NDC1: variants seen among roughly 807,000 people sequenced by gnomAD.
The protein encoded by NDC1 is nucleoporin NDC1.
A neutral mutation model predicts 89.8 loss-of-function variants in NDC1; 24 were observed. The observed-to-expected ratio is 0.27, with a 90% CI of 0.19 to 0.38. NDC1 has a LOEUF of 0.38. Ranked by LOEUF, NDC1 falls within the 10% of genes least tolerant of loss-of-function variation. NDC1 has a pLI of 1.00. For synonymous variants in NDC1, 296 were observed against 284.8 expected, an observed-to-expected ratio of 1.04 and a Z score of -0.39; for missense variants, 728 against 797.6, an observed-to-expected ratio of 0.91 and a Z score of 1.05.
chr1:53,826,674 T>C (rs1396845975), intron 4 of NDC1, among the ~76,000 whole-genome samples: 1 of 152,188 alleles, frequency 6.6e-6, no homozygotes, highest in Non-Finnish European at 1.5e-5. Context: ...TGAGAGTTTC[T>C]TGAGAATCTC....
In NDC1 at chr1:53,783,861, G is replaced by A. The variant is rs1334236457; in HGVS notation, c.1800+3297C>T. On this transcript the variant is annotated intron_variant, in intron 16 of 17. Transcript: ENST00000371429. ...CACGAGCCAAATTAAGTTTCTGTTC[G>A]TTATAAATTACCTAGTCTGTGGTAT... is the stretch of plus-strand genomic sequence containing the variant. 2.0e-5 allele frequency among the ~76,000 whole-genome samples: 3 copies of A among 152,166 alleles called. No homozygotes were observed. In the East Asian group the frequency reaches 5.8e-4, roughly 29 times the overall value.
At chr1:53,788,398 C>A (rs1029519853) in intron 15 of NDC1, among the ~76,000 whole-genome samples, 1 of 151,598 alleles carries the variant, frequency 6.6e-6, no homozygotes. Context: ...GAGTTTGAGA[C>A]CAGCCTAGAT....
chr1:53,781,025 T>A (rs1012457694), intron 16 of NDC1, among the ~76,000 whole-genome samples: 8 of 152,034 alleles, frequency 5.3e-5, no homozygotes, highest in Non-Finnish European at 7.4e-5. Flanking sequence ...GGCAAATTTT[T>A]AAAAATTTTT....
chr1:53,791,437 A>G (rs80306591), intron 14 of NDC1, among the ~76,000 whole-genome samples: 1 of 136,478 alleles, frequency 7.3e-6, no homozygotes, highest in African/African-American at 2.7e-5. Flanking sequence ...CTCCGTCTGA[A>G]AAAAAAAAAA....
rs758874160 is a variant in NDC1, at chr1:53,766,557, T to C, written c.*1413A>G. The C allele has an allele frequency of 2.0e-5, 3 of 152,232 alleles. No homozygotes were observed. Among genetic ancestry groups the C allele is most frequent in the South Asian group, 4.2e-4 (2 of 4,816 alleles). The allele number at this position is 152,232 out of a possible 1,614,324, so 9.4% of individuals were successfully genotyped here. A position where few individuals can be genotyped will look rare whatever the true frequency, so the allele number is the denominator to read the frequency against. On this transcript the variant is annotated 3_prime_UTR_variant, in exon 18 of 18. Coordinates refer to ENST00000371429, the MANE Select transcript of NDC1 (RefSeq NM_018087.5). The stretch of plus-strand genomic sequence containing the variant: ...GTCTACATATCTAAACACTTGACAA[T>C]TGGGGAACTGTCCCACAGTGATATG...
intron 3 of NDC1, among the ~76,000 whole-genome samples, chr1:53,829,157 T>C (rs1160534767): frequency 1.3e-5 from 2 of 152,144 alleles, no homozygotes; most frequent in Non-Finnish European, 2.9e-5. Flanking sequence ...GGTTCCCTGA[T>C]CTATCTATGT....
At chr1:53,832,954 G>A (rs970886449) in intron 2 of NDC1, among the ~76,000 whole-genome samples, 1 of 152,158 alleles carries the variant, frequency 6.6e-6, no homozygotes, top group Non-Finnish European at 1.5e-5. Context: ...TGAGGCTGCA[G>A]TGAGCAGTGA....
At chr1:53,811,626 G>A (rs1301364369) in intron 6 of NDC1, among the ~76,000 whole-genome samples, 3 of 151,998 alleles carry the variant, frequency 2.0e-5, no homozygotes, top group African/African-American at 7.3e-5. Context: ...TGACCCAGGA[G>A]AGTCTGAGCT....
At chr1:53,832,456 A>T in intron 3 of NDC1, 34 bp downstream of exon 3, 1 of 1,094,814 alleles carries the variant, frequency 9.1e-7, no homozygotes, top group East Asian at 2.4e-5. Context: ...ATAAATTCGC[A>T]TATTTCTAAG....
intron 9 of NDC1, among the ~76,000 whole-genome samples, chr1:53,806,209 C>T (rs1437364338): frequency 6.6e-6 from 1 of 152,156 alleles, no homozygotes; most frequent in African/African-American, 2.4e-5. Context: ...AATTAACTAG[C>T]TTATACACAT....
chr1:53,785,165 C>T (rs529172156), intron 16 of NDC1, among the ~76,000 whole-genome samples: 1 of 152,278 alleles, frequency 6.6e-6, no homozygotes, highest in African/African-American at 2.4e-5. Context: ...GCTGACTTCA[C>T]AAGATGGTTA....
intron 17 of NDC1, chr1:53,771,171 CT>C (rs755538304): frequency 2.2e-4 from 38 of 171,702 alleles, no homozygotes; most frequent in Non-Finnish European, 3.7e-4. Flanking sequence ...TGCTTTTGTT[CT>C]ATCATTAATA....
Position 53,837,883 on chromosome 1 carries a change from TTAAG to T in NDC1, c.57+318_57+321del, listed in dbSNP as rs142326081. Among the ~76,000 whole-genome samples the T allele has an allele frequency of 2.6e-5, 4 of 151,754 alleles. No homozygotes were observed. In the East Asian group the frequency reaches 7.7e-4, roughly 29 times the overall value. On this transcript the variant is annotated intron_variant, in intron 1 of 17. Coordinates refer to ENST00000371429, the MANE Select transcript of NDC1 (RefSeq NM_018087.5). ...CCTTCCCACTTCTTAACGAAACAAA[TTAAG>T]TTATTTATTTTGCACCTACTGGATA...
intron 6 of NDC1, among the ~76,000 whole-genome samples, chr1:53,814,877 A>T (rs1335603386): frequency 2.6e-5 from 4 of 152,212 alleles, no homozygotes; most frequent in Admixed American, 2.0e-4. Context: ...AAATTCCTGG[A>T]AAAATACAAC....
intron 6 of NDC1, among the ~76,000 whole-genome samples, chr1:53,815,076 G>C (rs1471763376): frequency 6.6e-6 from 1 of 152,146 alleles, no homozygotes; most frequent in East Asian, 1.9e-4. Flanking sequence ...ACAAGATAAA[G>C]AAGGAACCCT....
chr1:53,787,201 G>C lies in NDC1; in HGVS notation c.1757C>G (p.Thr586Arg). Residue 586 changes from threonine to arginine, a missense_variant, in exon 16 of 18, where the codon ACG (threonine) becomes AGG (arginine). By Grantham distance (71) the Thr-to-Arg change is moderately conservative (BLOSUM62 -1). Transcript: ENST00000371429. ...FTEDRFGVVQ[T>R]TLPAILNTLL... ...AGTATTAAGGATAGCTGGTAGTGTC[G>C]TCTGGACAACTCCAAATCTATCCTC... 1 of 1,610,256 alleles carries C rather than the reference G, an allele frequency of 6.2e-7. No homozygotes were observed. The highest frequency in any genetic ancestry group is 8.5e-7 in the Non-Finnish European group (1 of 1,178,492).
At chr1:53,808,317 A>ACC (rs1648182963) in intron 7 of NDC1, among the ~76,000 whole-genome samples, 1 of 152,240 alleles carries the variant, frequency 6.6e-6, no homozygotes, top group African/African-American at 2.4e-5. Flanking sequence ...TGACTAGATC[A>ACC]ATTAGCAAAG....
At chr1:53,778,378 C>T (rs1647179477) in intron 16 of NDC1, among the ~76,000 whole-genome samples, 1 of 151,934 alleles carries the variant, frequency 6.6e-6, no homozygotes, top group Non-Finnish European at 1.5e-5. Context: ...GACCCATATT[C>T]TATTTGTAGC....
At chr1:53,820,603 C>G (rs1230080100) in intron 5 of NDC1, among the ~76,000 whole-genome samples, 3 of 151,750 alleles carry the variant, frequency 2.0e-5, no homozygotes, top group Admixed American at 2.0e-4. Context: ...CCTCTCTCTC[C>G]TTCTCAGTCT....
Sources: allele counts gnomAD v4.1 joint callset (sites outside exome capture counted in the v4.1 genomes callset), GRCh38; gene constraint gnomAD v4.1.1; transcripts MANE v1.5; gene names NCBI Gene and HGNC (gene_info 2026-07-23, HGNC 2026-07-21).